Variants in HIP1 observed in about 807,000 individuals in gnomAD.
The protein encoded by HIP1 is huntingtin-interacting protein 1.
Under a neutral mutation model 147.6 loss-of-function variants are expected in HIP1, and 65 were observed. The observed-to-expected ratio is 0.44, with a 90% CI of 0.36 to 0.54. The LOEUF (loss-of-function observed/expected upper bound fraction) is 0.54, where lower values mean the gene tolerates loss of function less well. Ranked by LOEUF, HIP1 falls within the 20% of genes least tolerant of loss-of-function variation. HIP1 has a pLI of 0.00. For missense variants in HIP1, 1,061 were observed against 1,299.6 expected, an observed-to-expected ratio of 0.82 and a Z score of 2.82; for synonymous variants, 479 against 504.0, an observed-to-expected ratio of 0.95 and a Z score of 0.67.
chr7:75,641,363 T>C (rs1270412031), intron 1 of HIP1, among the ~76,000 whole-genome samples: 1 of 151,984 alleles, frequency 6.6e-6, no homozygotes, highest in Non-Finnish European at 1.5e-5. Flanking sequence ...ACTCAAGCAA[T>C]CCACCTGTCT....
chr7:75,592,194 T>A, intron 3 of HIP1, 82 bp from the exon 4 acceptor site: 1 of 1,449,304 alleles, frequency 6.9e-7, no homozygotes, highest in Non-Finnish European at 9.7e-7. Context: ...GAGGCGGAGG[T>A]GAACCTAGGG....
At chr7:75,559,596 C>G in intron 14 of HIP1, 136 bp downstream of exon 14, 1 of 730,710 alleles carries the variant, frequency 1.4e-6, no homozygotes. Context: ...AGGCTAAGAG[C>G]TGGCATTCCT....
chr7:75,673,931 A>C (rs1188278986), intron 1 of HIP1, among the ~76,000 whole-genome samples: 2 of 151,980 alleles, frequency 1.3e-5, no homozygotes, highest in African/African-American at 2.4e-5. Flanking sequence ...GGCTGGAGTG[A>C]TCCATGCTTG....
In HIP1 at chr7:75,716,551, G is replaced by T. The variant is rs542217868; in HGVS notation, c.120+22250C>A. Among the ~76,000 whole-genome samples the T allele has an allele frequency of 3.5e-5, 5 of 141,730 alleles. No homozygotes were observed. The South Asian group carries it at 1.1e-3, about 32-fold the overall frequency. 93.0% of individuals were successfully genotyped at this position (141,730 alleles called of 152,430 possible). On this transcript the variant is annotated intron_variant, in intron 1 of 30. Coordinates refer to ENST00000336926, the MANE Select transcript of HIP1 (RefSeq NM_005338.7). Reference sequence around the variant, plus strand: ...TTTTTTTTTTTTGAGATGGAGTCTCGCTCTGTCACCCAGGCTGGAGTGCAG... The same window carrying T: ...TTTTTTTTTTTTGAGATGGAGTCTCTCTCTGTCACCCAGGCTGGAGTGCAG...
intron 1 of HIP1, among the ~76,000 whole-genome samples, chr7:75,700,889 TAG>T (rs1195548812): frequency 6.6e-6 from 1 of 151,896 alleles, no homozygotes; most frequent in East Asian, 1.9e-4. Context: ...GTATTTTTAG[TAG>T]AGACGGGGTT....
intron 7 of HIP1, among the ~76,000 whole-genome samples, chr7:75,576,465 T>C (rs1356777578): frequency 6.6e-6 from 1 of 152,212 alleles, no homozygotes; most frequent in East Asian, 1.9e-4. Context: ...CTCATGCCTG[T>C]AATCCCAGCA....
At chr7:75,692,287 C>T (rs1554518234) in intron 1 of HIP1, among the ~76,000 whole-genome samples, 1 of 151,758 alleles carries the variant, frequency 6.6e-6, no homozygotes, top group East Asian at 1.9e-4. Flanking sequence ...AAGGCAGGGT[C>T]TTGCTGTATT....
chr7:75,706,277 G>C (rs966059028), intron 1 of HIP1, among the ~76,000 whole-genome samples: 1 of 152,092 alleles, frequency 6.6e-6, no homozygotes, highest in Admixed American at 6.6e-5. Context: ...CTGCACAAGA[G>C]TTCCAATTTC....
At chr7:75,608,603 C>T (rs1346779572) in intron 1 of HIP1, among the ~76,000 whole-genome samples, 6 of 152,124 alleles carry the variant, frequency 3.9e-5, no homozygotes, top group Non-Finnish European at 7.3e-5. Flanking sequence ...TATTCTGAAG[C>T]GTGACCATCT....
intron 4 of HIP1, 68 bp downstream of exon 4, chr7:75,591,988 C>G: frequency 8.0e-7 from 1 of 1,246,932 alleles, no homozygotes; most frequent in Admixed American, 1.7e-5. Flanking sequence ...ACCCTCCAGT[C>G]CTTGCTCTGT....
intron 1 of HIP1, among the ~76,000 whole-genome samples, chr7:75,687,000 T>C (rs1192428784): frequency 6.6e-6 from 1 of 152,078 alleles, no homozygotes; most frequent in African/African-American, 2.4e-5. Context: ...AGCTTTGCTA[T>C]GTGTCTAAAA....
intron 1 of HIP1, among the ~76,000 whole-genome samples, chr7:75,618,078 C>T (rs1584887158): frequency 6.6e-6 from 1 of 152,374 alleles, no homozygotes; most frequent in South Asian, 2.1e-4. Flanking sequence ...GCGCCCTCCC[C>T]ACAAACCACC....
At chr7:75,684,955 G>A (rs1800209584) in intron 1 of HIP1, among the ~76,000 whole-genome samples, 1 of 152,090 alleles carries the variant, frequency 6.6e-6, no homozygotes, top group Non-Finnish European at 1.5e-5. Context: ...GCCAGGCGTG[G>A]TGGTGGGTAC....
intron 1 of HIP1, among the ~76,000 whole-genome samples, chr7:75,674,700 C>T (rs2705813): frequency 0.57 from 85,733 of 151,538 alleles, 24,745 homozygotes; most frequent in African/African-American, 0.66. Flanking sequence ...ACCATGTAAG[C>T]CAGGATGGTC....
At chr7:75,577,622 A>C (rs1188990330) in intron 7 of HIP1, among the ~76,000 whole-genome samples, 1 of 152,136 alleles carries the variant, frequency 6.6e-6, no homozygotes, top group Non-Finnish European at 1.5e-5. Flanking sequence ...CCTGCTATTC[A>C]CCAGGCACTG....
chr7:75,581,596 CG>C (rs1796050837), intron 6 of HIP1, among the ~76,000 whole-genome samples: 1 of 151,980 alleles, frequency 6.6e-6, no homozygotes, highest in African/African-American at 2.4e-5. Flanking sequence ...CTGGCCAACG[CG>C]GCGAAACCCC....
intron 1 of HIP1, among the ~76,000 whole-genome samples, chr7:75,716,825 TAG>T (rs1491386308): frequency 9.7e-5 from 13 of 134,124 alleles, no homozygotes; most frequent in Admixed American, 9.4e-4. Context: ...AGCTTTTTTT[TAG>T]GGGGGGGGAA....
intron 1 of HIP1, among the ~76,000 whole-genome samples, chr7:75,647,232 A>C (rs933731989): frequency 1.4e-5 from 2 of 145,680 alleles, no homozygotes; most frequent in African/African-American, 5.2e-5. Context: ...AAAAAAAAAA[A>C]AAAAAAAAAA....
chr7:75,621,379 C>A (rs186364888), intron 1 of HIP1, among the ~76,000 whole-genome samples: 2 of 152,220 alleles, frequency 1.3e-5, no homozygotes, highest in East Asian at 3.9e-4. Flanking sequence ...TGAGGACTGA[C>A]CTTTGTTCCA....
Sources: gnomAD v4.1 joint callset for allele counts (sites outside exome capture counted in the v4.1 genomes callset) on GRCh38, gnomAD v4.1.1 for gene constraint, MANE v1.5 for transcripts, NCBI Gene and HGNC (gene_info 2026-07-23, HGNC 2026-07-21) for gene names.